ADGRA3: variants seen among roughly 807,000 people sequenced by gnomAD.
ADGRA3 encodes G-protein coupled receptor 125.
ADGRA3 carries 56 observed loss-of-function variants against 119.8 expected under a neutral mutation model. That is an observed-to-expected ratio of 0.47 (90% CI 0.38 to 0.58). The LOEUF (loss-of-function observed/expected upper bound fraction) is 0.58. Among genes scored for constraint, ADGRA3 ranks in the 20% least tolerant of loss-of-function variants. ADGRA3 has a pLI of 0.00. For synonymous variants in ADGRA3, 607 were observed against 623.8 expected (o/e 0.97, Z 0.40); for missense variants, 1,516 against 1,649.0 (o/e 0.92, Z 1.40).
intron 8 of ADGRA3, 38 bp downstream of exon 8, chr4:22,438,218 C>G (rs1400911616): frequency 1.3e-6 from 2 of 1,569,360 alleles, no homozygotes; most frequent in East Asian, 2.2e-5. Flanking sequence ...GGATCTGGGA[C>G]AAATTAAACT....
At chr4:22,476,422 A>G (rs1039648606) in intron 1 of ADGRA3, among the ~76,000 whole-genome samples, 1 of 152,196 alleles carries the variant, frequency 6.6e-6, no homozygotes, top group Non-Finnish European at 1.5e-5. Context: ...TAAACAAATT[A>G]TAATACATCC....
At chr4:22,498,923 C>A (rs199929522) in intron 1 of ADGRA3, among the ~76,000 whole-genome samples, 107 of 150,596 alleles carry the variant, frequency 7.1e-4, no homozygotes, top group East Asian at 5.9e-3. Flanking sequence ...AAAAAAAAAA[C>A]AAAAAAAACA....
At chr4:22,467,336 T>C (rs1421959747) in intron 2 of ADGRA3, among the ~76,000 whole-genome samples, 4 of 152,190 alleles carry the variant, frequency 2.6e-5, no homozygotes, top group Non-Finnish European at 4.4e-5. Flanking sequence ...TATTAGTTCC[T>C]ATCTCCCTCC....
chr4:22,388,737 C>A lies in ADGRA3; in HGVS notation c.2934G>T (p.Leu978Phe), dbSNP rs1355491882. The change falls in exon 19 of 19, where the codon TTG becomes TTT. Residue 978 changes from leucine (L) to phenylalanine (F), a missense_variant. Coordinates refer to ENST00000334304, the MANE Select transcript of ADGRA3 (RefSeq NM_145290.4). Reference protein sequence around the residue: ...GEINHQDSMSLSLISTSALEN... With the variant: ...GEINHQDSMSFSLISTSALEN... Reference sequence around the variant, plus strand: ...CCAAGGCTGATGTAGAAATCAGAGACAAAGACATTGAATCCTGATGATTTA... The same window carrying A: ...CCAAGGCTGATGTAGAAATCAGAGAAAAAGACATTGAATCCTGATGATTTA... The A allele has an allele frequency of 6.2e-7, 1 of 1,614,070 alleles. No homozygotes were observed. Among genetic ancestry groups the A allele is most frequent in the Non-Finnish European group, 8.5e-7 (1 of 1,179,978 alleles).
chr4:22,509,282 C>T (rs1719352489), intron 1 of ADGRA3, among the ~76,000 whole-genome samples: 1 of 151,824 alleles, frequency 6.6e-6, no homozygotes, highest in Non-Finnish European at 1.5e-5. Context: ...GCGGGCAGAT[C>T]ACGAGGTCAG....
At chr4:22,515,372 C>A in intron 1 of ADGRA3, 156 bp downstream of exon 1, 2 of 831,572 alleles carry the variant, frequency 2.4e-6, no homozygotes, top group Non-Finnish European at 3.4e-6. Flanking sequence ...CTGAACTGCA[C>A]CCATGCCAAG....
chr4:22,466,339 G>A (rs1010643844), intron 2 of ADGRA3, among the ~76,000 whole-genome samples: 14 of 151,966 alleles, frequency 9.2e-5, no homozygotes, highest in Non-Finnish European at 2.1e-4. Context: ...TGTCCTGAAC[G>A]CATCTCAATC....
chr4:22,488,867 G>GA (rs906736519), intron 1 of ADGRA3, among the ~76,000 whole-genome samples: 9 of 151,926 alleles, frequency 5.9e-5, no homozygotes, highest in African/African-American at 1.9e-4. Flanking sequence ...TCCCCTGGGA[G>GA]AAAAAAAGGA....
intron 17 of ADGRA3, among the ~76,000 whole-genome samples, chr4:22,392,042 A>G (rs752700711): frequency 6.6e-6 from 1 of 152,338 alleles, no homozygotes; most frequent in South Asian, 2.1e-4. Context: ...GGCCAGTGAC[A>G]TATCAGGCAT....
At chr4:22,424,140 T>C (rs1184740244) in intron 11 of ADGRA3, 51 bp downstream of exon 11, 1 of 1,521,050 alleles carries the variant, frequency 6.6e-7, no homozygotes, top group Non-Finnish European at 8.9e-7. Context: ...GGGTGAGAGC[T>C]GTGTGAAATG....
chr4:22,492,969 C>T (rs1718683461), intron 1 of ADGRA3, among the ~76,000 whole-genome samples: 1 of 147,558 alleles, frequency 6.8e-6, no homozygotes, highest in East Asian at 2.0e-4. Context: ...TTGATCTCCA[C>T]CTTTCTTTTT....
chr4:22,436,422 T>C lies in ADGRA3; in HGVS notation c.1287+18A>G, dbSNP rs1211219954. 1.3e-6 allele frequency: 2 copies of C among 1,594,096 alleles called. No homozygotes were observed. Among genetic ancestry groups the C allele is most frequent in the South Asian group, 1.1e-5 (1 of 90,606 alleles). On this transcript the variant is annotated intron_variant, in intron 9 of 18. Coordinates refer to ENST00000334304, the MANE Select transcript of ADGRA3 (RefSeq NM_145290.4). ...GTTTTCTCCACAACCCAAGTAAACA[T>C]GAAGACTTTCTAGTTACCTGATTAA...
intron 10 of ADGRA3, among the ~76,000 whole-genome samples, chr4:22,434,326 T>C (rs1044424006): frequency 2.2e-4 from 33 of 151,964 alleles, no homozygotes; most frequent in South Asian, 8.3e-4. Context: ...TTAATGGATC[T>C]GAGAAGTTCT....
At chr4:22,469,085 C>T (rs1246199691) in intron 2 of ADGRA3, among the ~76,000 whole-genome samples, 1 of 152,072 alleles carries the variant, frequency 6.6e-6, no homozygotes, top group Non-Finnish European at 1.5e-5. Flanking sequence ...GTTGATGTGA[C>T]AGAAGGGCCT....
intron 9 of ADGRA3, 57 bp from the exon 10 acceptor site, chr4:22,435,523 C>T: frequency 4.3e-6 from 6 of 1,398,762 alleles, no homozygotes; most frequent in Non-Finnish European, 5.9e-6. Flanking sequence ...ATGATCAACA[C>T]AATCCTGACA....
chr4:22,456,090 A>C (rs1260795577), intron 3 of ADGRA3, among the ~76,000 whole-genome samples: 2 of 152,206 alleles, frequency 1.3e-5, no homozygotes, highest in African/African-American at 4.8e-5. Context: ...TTTCAAACTA[A>C]AAGTATTGGA....
chr4:22,462,063 C>G (rs1183603739), intron 2 of ADGRA3, among the ~76,000 whole-genome samples: 3 of 152,008 alleles, frequency 2.0e-5, no homozygotes, highest in African/African-American at 7.3e-5. Context: ...AAATATGTGA[C>G]CTAATATTAT....
chr4:22,464,558 C>A (rs1325133349), intron 2 of ADGRA3, among the ~76,000 whole-genome samples: 1 of 152,124 alleles, frequency 6.6e-6, no homozygotes, highest in Non-Finnish European at 1.5e-5. Flanking sequence ...ATGCCATGGC[C>A]CCAGCATCCC....
chr4:22,435,318 G>C lies in ADGRA3; in HGVS notation c.1436C>G (p.Ser479Ter). The C allele has an allele frequency of 6.2e-7, 1 of 1,611,492 alleles. No individual in the cohort carries two copies. Among genetic ancestry groups the C allele is most frequent in the East Asian group, 2.2e-5 (1 of 44,832 alleles). ...KFGRFTKEEKSKELGDVMVDI... is the reference protein window; with the variant it reads ...KFGRFTKEEK ...CTGAATTTAGAGAAGTACCTCTTTTGATTTTTCCTCCTTGGTAAATCTTCC... is the reference window on the plus strand; with the variant it reads ...CTGAATTTAGAGAAGTACCTCTTTTCATTTTTCCTCCTTGGTAAATCTTCC... Residue 479 changes from serine (S) to a stop codon, truncating the protein, a stop_gained, in exon 10 of 19, where the codon TCA (serine) becomes TGA (stop). Coordinates refer to ENST00000334304, the MANE Select transcript of ADGRA3 (RefSeq NM_145290.4). LOFTEE classifies it high-confidence loss of function.
Sources: allele counts gnomAD v4.1 joint callset (sites outside exome capture counted in the v4.1 genomes callset), GRCh38; gene constraint gnomAD v4.1.1; transcripts MANE v1.5; gene names NCBI Gene and HGNC (gene_info 2026-07-23, HGNC 2026-07-21).